The following FAM184B variants were observed in gnomAD, a reference collection of about 807,000 sequenced individuals.
FAM184B encodes the protein family with sequence similarity 184 member B.
In FAM184B, 111 loss-of-function variants were observed where a neutral mutation model predicts 135.9. The observed-to-expected ratio is 0.82, with a 90% CI of 0.70 to 0.96. The LOEUF is 0.96. Among genes scored for constraint, FAM184B ranks in the 40% least tolerant of loss-of-function variants. FAM184B has a pLI of 0.00. For missense variants in FAM184B, 1,375 were observed against 1,323.9 expected (o/e 1.04, Z -0.60); for synonymous variants, 552 against 524.8 (o/e 1.05, Z -0.71).
Position 17,632,328 on chromosome 4 carries a change from G to T in FAM184B, c.*204C>A. On this transcript the variant is annotated 3_prime_UTR_variant, in exon 18 of 18. Transcript: ENST00000265018. ...GGACTCAAGCAGTCCATCTGCCTCA[G>T]CCTCCCAAAGTGATGGGATTACAGG... 1 of 383,714 alleles carries T rather than the reference G, an allele frequency of 2.6e-6. No individual in the cohort carries two copies. The highest frequency in any genetic ancestry group is 4.8e-6 in the Non-Finnish European group (1 of 206,924). The allele number at this position is 383,714 out of a possible 1,614,324, so 23.8% of individuals were successfully genotyped here. A position where few individuals can be genotyped will look rare whatever the true frequency, so the allele number is the denominator to read the frequency against.
At chr4:17,714,449 C>T (rs1717363926) in intron 1 of FAM184B, among the ~76,000 whole-genome samples, 1 of 152,028 alleles carries the variant, frequency 6.6e-6, no homozygotes, top group Non-Finnish European at 1.5e-5. Flanking sequence ...GGAAGGCATC[C>T]GAGCCCTGAA....
intron 1 of FAM184B, among the ~76,000 whole-genome samples, chr4:17,714,691 T>A (rs1383362064): frequency 6.6e-6 from 1 of 152,002 alleles, no homozygotes; most frequent in East Asian, 1.9e-4. Flanking sequence ...CAAAGTAAAA[T>A]CAGCTAAAAG....
intron 1 of FAM184B, among the ~76,000 whole-genome samples, chr4:17,751,065 T>G (rs1718280310): frequency 6.6e-6 from 1 of 151,998 alleles, no homozygotes; most frequent in African/African-American, 2.4e-5. Flanking sequence ...CCCAGCACTT[T>G]GAGAGGCTGA....
At chr4:17,748,910 C>A (rs1416015837) in intron 1 of FAM184B, among the ~76,000 whole-genome samples, 1 of 151,734 alleles carries the variant, frequency 6.6e-6, no homozygotes, top group Admixed American at 6.6e-5. Context: ...CTCACTGCAG[C>A]CAAACTCCTG....
At chr4:17,765,983 G>A (rs185314657) in intron 1 of FAM184B, among the ~76,000 whole-genome samples, 15 of 152,222 alleles carry the variant, frequency 9.9e-5, no homozygotes, top group South Asian at 2.1e-4. Flanking sequence ...CATTCCCCCC[G>A]GCAGGTTCAT....
intron 1 of FAM184B, 91 bp from the exon 2 acceptor site, chr4:17,709,735 T>C (rs1717214041): frequency 3.3e-6 from 4 of 1,208,896 alleles, no homozygotes; most frequent in Non-Finnish European, 4.4e-6. Flanking sequence ...TGCATGGCGG[T>C]TGATCTGCAC....
chr4:17,721,396 A>AAAAAAAAAAAAAAAAAAAAAAAAAAC (rs1298335817), intron 1 of FAM184B, among the ~76,000 whole-genome samples: 1 of 149,404 alleles, frequency 6.7e-6, no homozygotes, highest in Non-Finnish European at 1.5e-5. Flanking sequence ...AAAAAAAAAA[A>AAAAAAAAAAAAAAAAAAAAAAAAAAC]AAAAAAAAAA....
intron 1 of FAM184B, among the ~76,000 whole-genome samples, chr4:17,755,983 A>C (rs1391956502): frequency 6.6e-6 from 1 of 152,208 alleles, no homozygotes; most frequent in African/African-American, 2.4e-5. Context: ...TGATGGGTTG[A>C]TCTGTGCAGC....
chr4:17,689,182 A>C (rs184120245), intron 6 of FAM184B, among the ~76,000 whole-genome samples: 4 of 152,330 alleles, frequency 2.6e-5, no homozygotes, highest in Admixed American at 2.6e-4. Flanking sequence ...AAAAAAGTTA[A>C]TTGGTAAAGA....
chr4:17,773,173 T>C (rs58744629), intron 1 of FAM184B, among the ~76,000 whole-genome samples: 2 of 152,068 alleles, frequency 1.3e-5, no homozygotes, highest in East Asian at 1.9e-4. Flanking sequence ...GGGTCTCAGA[T>C]TCCCCCCTTC....
At chr4:17,774,747 C>G (rs1360187662) in intron 1 of FAM184B, among the ~76,000 whole-genome samples, 1 of 152,196 alleles carries the variant, frequency 6.6e-6, no homozygotes. Context: ...TTGTTTTAAA[C>G]TTTGACTATA....
chr4:17,706,818 T>C (rs1577269072), intron 3 of FAM184B, among the ~76,000 whole-genome samples: 1 of 152,220 alleles, frequency 6.6e-6, no homozygotes, highest in East Asian at 1.9e-4. Context: ...GGAGTTTTGT[T>C]GCTATTGCCC....
intron 1 of FAM184B, among the ~76,000 whole-genome samples, chr4:17,712,907 A>G (rs1717314101): frequency 6.6e-6 from 1 of 152,216 alleles, no homozygotes; most frequent in Non-Finnish European, 1.5e-5. Flanking sequence ...TTACAAAATC[A>G]TCATCGACGG....
At chr4:17,691,685 CAAAAA>C (rs56857959) in intron 6 of FAM184B, among the ~76,000 whole-genome samples, 4 of 92,490 alleles carry the variant, frequency 4.3e-5, no homozygotes, top group Non-Finnish European at 8.5e-5. Flanking sequence ...GATTCCATCT[CAAAAA>C]AAAAAAAAAA....
intron 1 of FAM184B, among the ~76,000 whole-genome samples, chr4:17,734,510 A>C (rs2108979807): frequency 6.6e-6 from 1 of 152,332 alleles, no homozygotes; most frequent in Non-Finnish European, 1.5e-5. Context: ...CCCATCAAAA[A>C]GTGGGCAAAG....
intron 10 of FAM184B, among the ~76,000 whole-genome samples, chr4:17,657,169 AT>A (rs1715794344): frequency 6.6e-6 from 1 of 152,024 alleles, no homozygotes; most frequent in Non-Finnish European, 1.5e-5. Flanking sequence ...TGCATTTTTT[AT>A]TTGTTTAGTT....
chr4:17,672,534 C>T (rs2315557), intron 7 of FAM184B, among the ~76,000 whole-genome samples: 142,065 of 152,186 alleles, frequency 0.93, 66,759 homozygotes, highest in Non-Finnish European at 1. Flanking sequence ...TGGCTTTTAT[C>T]GCATTGAGGT....
intron 1 of FAM184B, among the ~76,000 whole-genome samples, chr4:17,748,505 ATTTTTTT>A (rs34998803): frequency 0.44 from 43,845 of 99,148 alleles, 9,357 homozygotes; most frequent in Middle Eastern, 0.54. Flanking sequence ...CTCTTGTGTA[ATTTTTTT>A]TTTTTTTTTT....
At position 17,641,913 on chromosome 4, in the gene FAM184B, C is replaced by G. The variant is rs575024865; in HGVS notation, c.2519+143G>C. 3.2e-6 allele frequency: 4 copies of G among 1,233,220 alleles called. No homozygotes were observed. The East Asian group carries it at 1.2e-4, about 36-fold the overall frequency. The allele number at this position is 1,233,220 out of a possible 1,614,324, so 76.4% of individuals were successfully genotyped here. On this transcript the variant is annotated intron_variant, in intron 13 of 17. Coordinates refer to ENST00000265018, the MANE Select transcript of FAM184B (RefSeq NM_015688.2). Reference sequence around the variant, plus strand: ...AACATCTGTGAAATGCTGGCGCATTCAGTGTCTAGTGTCTTGTGGGGCAGG... The same window carrying G: ...AACATCTGTGAAATGCTGGCGCATTGAGTGTCTAGTGTCTTGTGGGGCAGG...
Sources: allele counts gnomAD v4.1 joint callset (sites outside exome capture counted in the v4.1 genomes callset), GRCh38; gene constraint gnomAD v4.1.1; transcripts MANE v1.5; gene names NCBI Gene and HGNC (gene_info 2026-07-23, HGNC 2026-07-21).